MMP16: variants seen among roughly 807,000 people sequenced by gnomAD.
The protein encoded by MMP16 is matrix metallopeptidase 16.
Under a neutral mutation model 67.8 loss-of-function variants are expected in MMP16, and 12 were observed. That is an observed-to-expected ratio of 0.18 (90% confidence interval 0.11 to 0.29). The LOEUF (loss-of-function observed/expected upper bound fraction) is 0.29, where lower values mean the gene tolerates loss of function less well. Ranked by LOEUF, MMP16 falls within the 10% of genes least tolerant of loss-of-function variation. The probability of loss-of-function intolerance (pLI) is 1.00; values close to 1 mark genes in which losing one functional copy is unlikely to be tolerated. For missense variants in MMP16, 475 were observed against 765.7 expected, an observed-to-expected ratio of 0.62 and a Z score of 4.48; for synonymous variants, 249 against 255.9, an observed-to-expected ratio of 0.97 and a Z score of 0.26.
chr8:88,229,616 C>T (rs143068971), intron 1 of MMP16, among the ~76,000 whole-genome samples: 2 of 151,472 alleles, frequency 1.3e-5, no homozygotes, highest in African/African-American at 2.4e-5. Flanking sequence ...TTTATCTGTA[C>T]AAAATGCATT....
intron 7 of MMP16, among the ~76,000 whole-genome samples, chr8:88,068,952 T>A (rs1808504750): frequency 6.6e-6 from 1 of 151,998 alleles, no homozygotes. Flanking sequence ...TCCACTTGCC[T>A]CCCCCTCCCA....
intron 7 of MMP16, among the ~76,000 whole-genome samples, chr8:88,072,273 C>CA (rs1808571614): frequency 6.6e-6 from 1 of 152,036 alleles, no homozygotes; most frequent in Non-Finnish European, 1.5e-5. Flanking sequence ...CATTTCACTT[C>CA]AGAAGCCCAG....
chr8:88,236,948 A>G (rs577820551), intron 1 of MMP16, among the ~76,000 whole-genome samples: 1 of 152,340 alleles, frequency 6.6e-6, no homozygotes, highest in East Asian at 1.9e-4. Context: ...AAATAAAATC[A>G]TATGTCCATA....
intron 6 of MMP16, among the ~76,000 whole-genome samples, chr8:88,105,431 T>A (rs948307648): frequency 6.6e-6 from 1 of 151,538 alleles, no homozygotes; most frequent in South Asian, 2.1e-4. Flanking sequence ...ACCTTTAAAA[T>A]TGGACTCATT....
intron 6 of MMP16, among the ~76,000 whole-genome samples, chr8:88,108,150 A>G (rs886711902): frequency 1.3e-5 from 2 of 151,312 alleles, no homozygotes; most frequent in African/African-American, 2.4e-5. Flanking sequence ...AAGTATAAAG[A>G]TTTAAACTGA....
intron 6 of MMP16, among the ~76,000 whole-genome samples, chr8:88,076,161 G>A (rs1025795182): frequency 2.0e-5 from 3 of 152,004 alleles, no homozygotes; most frequent in South Asian, 2.1e-4. Context: ...CTTAATTAAC[G>A]ACTCTAAGCT....
At chr8:88,301,017 G>T (rs1004384937) in intron 1 of MMP16, among the ~76,000 whole-genome samples, 2 of 152,174 alleles carry the variant, frequency 1.3e-5, no homozygotes, top group Non-Finnish European at 1.5e-5. Flanking sequence ...AAAGATTAAT[G>T]TAAGAGCAGG....
At chr8:88,241,070 AGTTTT>A (rs1355116676) in intron 1 of MMP16, among the ~76,000 whole-genome samples, 2 of 151,106 alleles carry the variant, frequency 1.3e-5, no homozygotes, top group Admixed American at 6.6e-5. Context: ...ATCTGGACTA[AGTTTT>A]GTTTTGTTTT....
At chr8:88,287,083 A>G (rs1287468534) in intron 1 of MMP16, among the ~76,000 whole-genome samples, 1 of 152,128 alleles carries the variant, frequency 6.6e-6, no homozygotes, top group Admixed American at 6.5e-5. Context: ...ACCTGTAAGC[A>G]CTTTCCACTG....
At chr8:88,164,296 G>T (rs1808677324) in intron 4 of MMP16, among the ~76,000 whole-genome samples, 1 of 151,654 alleles carries the variant, frequency 6.6e-6, no homozygotes, top group Non-Finnish European at 1.5e-5. Flanking sequence ...GGCATTCCAG[G>T]ACTAGATTAA....
At chr8:88,181,346 CA>C (rs1321015753) in intron 3 of MMP16, among the ~76,000 whole-genome samples, 2 of 151,844 alleles carry the variant, frequency 1.3e-5, no homozygotes, top group Admixed American at 6.6e-5. Context: ...TTGCAGGATA[CA>C]AGGTTAATAT....
chr8:88,206,606 G>A (rs955826840), intron 1 of MMP16, among the ~76,000 whole-genome samples: 1 of 152,018 alleles, frequency 6.6e-6, no homozygotes, highest in African/African-American at 2.4e-5. Context: ...ATTCTAAGCT[G>A]GAATAATTGG....
chr8:88,125,410 C>A (rs1807910310), intron 4 of MMP16, among the ~76,000 whole-genome samples: 1 of 151,768 alleles, frequency 6.6e-6, no homozygotes. Context: ...ATGAGGAAAA[C>A]AAATTGCCAT....
intron 9 of MMP16, among the ~76,000 whole-genome samples, chr8:88,044,738 A>G (rs992534468): frequency 2.0e-5 from 3 of 152,214 alleles, no homozygotes; most frequent in African/African-American, 7.2e-5. Flanking sequence ...GTACTATTAT[A>G]TAGCTTAGTA....
intron 7 of MMP16, among the ~76,000 whole-genome samples, chr8:88,071,801 T>A (rs1233024707): frequency 6.6e-6 from 1 of 152,132 alleles, no homozygotes; most frequent in Non-Finnish European, 1.5e-5. Context: ...GATCTAAGAA[T>A]AGTTTTTACA....
At chr8:88,169,425 C>T (rs1301237842) in intron 3 of MMP16, among the ~76,000 whole-genome samples, 1 of 152,018 alleles carries the variant, frequency 6.6e-6, no homozygotes, top group East Asian at 1.9e-4. Flanking sequence ...ACCTATTTTA[C>T]CAAAAGCACA....
At position 88,033,844 on chromosome 8, in the gene MMP16, T is replaced by A. The variant is rs1342747596; in HGVS notation, c.*7617A>T. 6.6e-6 allele frequency: 1 copy of A among 152,066 alleles called. No individual in the cohort carries two copies. Among genetic ancestry groups the A allele is most frequent in the African/African-American group, 2.4e-5 (1 of 41,432 alleles). The allele number at this position is 152,066 out of a possible 1,614,324, so 9.4% of individuals were successfully genotyped here. A position where few individuals can be genotyped will look rare whatever the true frequency, so the allele number is the denominator to read the frequency against. On this transcript the variant is annotated 3_prime_UTR_variant, in exon 10 of 10. Coordinates refer to ENST00000286614, the MANE Select transcript of MMP16 (RefSeq NM_005941.5). ...ATTCTATCTCTCTTTCTAATATATA[T>A]GTAATTTACACTTACAGAGAAATAG... is the stretch of plus-strand genomic sequence containing the variant.
Position 88,186,493 on chromosome 8 carries a change from G to T in MMP16, c.387C>A (p.His129Gln). 6.2e-7 allele frequency: 1 copy of T among 1,611,318 alleles called. No homozygotes were observed. The highest frequency in any genetic ancestry group is 8.5e-7 in the Non-Finnish European group (1 of 1,179,288). ...RYALTGQKWQ[H>Q]KHITYSIKNV... ...TCTTATACCTGTAAGTGATGTGCTT[G>T]TGCTGCCATTTCTGTCCTGTCAATG... The change falls in exon 3 of 10, where the codon CAC (histidine) becomes CAA (glutamine). Residue 129 changes from histidine (H) to glutamine (Q), a missense_variant. Physicochemically the swap from His to Gln is conservative, Grantham distance 24. Coordinates refer to ENST00000286614, the MANE Select transcript of MMP16 (RefSeq NM_005941.5).
chr8:88,304,774 C>T (rs879747424), intron 1 of MMP16, among the ~76,000 whole-genome samples: 5 of 152,164 alleles, frequency 3.3e-5, no homozygotes, highest in Non-Finnish European at 7.3e-5. Flanking sequence ...ATGAGGCCTG[C>T]CTCACAAGAG....
Sources: gnomAD v4.1 joint callset for allele counts (sites outside exome capture counted in the v4.1 genomes callset) on GRCh38, gnomAD v4.1.1 for gene constraint, MANE v1.5 for transcripts, NCBI Gene and HGNC (gene_info 2026-07-23, HGNC 2026-07-21) for gene names.